The following C4orf51 variants were observed in gnomAD, a reference collection of about 807,000 sequenced individuals.
C4orf51 encodes the protein uncharacterized protein C4orf51.
A neutral mutation model predicts 25.2 loss-of-function variants in C4orf51; 25 were observed. The ratio of observed to expected loss-of-function variants is 0.99; its 90% confidence interval spans 0.72 to 1.39. The LOEUF (loss-of-function observed/expected upper bound fraction) is 1.39, where lower values mean the gene tolerates loss of function less well. Ranked by LOEUF, C4orf51 falls within the 40% of genes most tolerant of loss-of-function variation. The pLI is 0.00. For synonymous variants in C4orf51, 100 were observed against 84.5 expected (o/e 1.18, Z -1.01); for missense variants, 252 against 239.6 (o/e 1.05, Z -0.34).
At chr4:145,712,704 A>C (rs781292927) in intron 2 of C4orf51, among the ~76,000 whole-genome samples, 1 of 152,256 alleles carries the variant, frequency 6.6e-6, no homozygotes, top group African/African-American at 2.4e-5. Context: ...TATCCAGAAG[A>C]CATAGCTAAG....
the C4orf51 span, among the ~76,000 whole-genome samples, chr4:145,778,728 G>T: frequency 1.3e-4 from 20 of 152,080 alleles, no homozygotes; most frequent in Non-Finnish European, 2.5e-4. Context: ...TTTTGTTTTT[G>T]TGTTCCCTGT....
At chr4:145,749,235 G>A (rs757938032) in intron 1 of C4orf51, among the ~76,000 whole-genome samples, 2 of 151,766 alleles carry the variant, frequency 1.3e-5, no homozygotes, top group Non-Finnish European at 2.9e-5. Context: ...GTTTTCATTA[G>A]CATGAAATAT....
intron 2 of C4orf51, among the ~76,000 whole-genome samples, chr4:145,705,680 G>C (rs749648945): frequency 6.6e-6 from 1 of 152,142 alleles, no homozygotes; most frequent in Non-Finnish European, 1.5e-5. Context: ...TGCCTCTGTC[G>C]TGTCCCAGTG....
intron 2 of C4orf51, among the ~76,000 whole-genome samples, chr4:145,723,356 T>A (rs1431242723): frequency 1.3e-5 from 2 of 152,170 alleles, no homozygotes; most frequent in East Asian, 3.8e-4. Flanking sequence ...ATGTTTTGTG[T>A]TCACGAACCT....
the C4orf51 span, among the ~76,000 whole-genome samples, chr4:145,783,386 T>G: frequency 6.6e-6 from 1 of 152,274 alleles, no homozygotes; most frequent in Non-Finnish European, 1.5e-5. Context: ...TCAGGCTACC[T>G]GCCTTTTGAA....
intron 1 of C4orf51, among the ~76,000 whole-genome samples, chr4:145,689,554 C>G (rs1430533006): frequency 1.3e-5 from 2 of 151,990 alleles, no homozygotes; most frequent in African/African-American, 4.8e-5. Context: ...GATAAACATA[C>G]CAAAGGTGCT....
chr4:145,758,194 G>A (rs1406384300), downstream of C4orf51: 2 of 152,132 alleles, frequency 1.3e-5, no homozygotes, highest in Non-Finnish European at 2.9e-5. Flanking sequence ...CAGAAAGATT[G>A]ATGACTCTTT....
chr4:145,686,484 G>A (rs565150595), intron 1 of C4orf51, among the ~76,000 whole-genome samples: 23 of 152,220 alleles, frequency 1.5e-4, no homozygotes, highest in Non-Finnish European at 3.1e-4. Context: ...GCAGAGAGGG[G>A]CTCCCTGTAT....
chr4:145,746,276 C>G (rs1350439088), intron 1 of C4orf51, among the ~76,000 whole-genome samples: 5 of 152,132 alleles, frequency 3.3e-5, no homozygotes, highest in Non-Finnish European at 7.4e-5. Context: ...GGGTATAACT[C>G]AAGAAATCTT....
At chr4:145,745,091 G>T (rs1424221188) in intron 1 of C4orf51, among the ~76,000 whole-genome samples, 3 of 152,030 alleles carry the variant, frequency 2.0e-5, no homozygotes, top group African/African-American at 7.3e-5. Flanking sequence ...TTATTTTAAT[G>T]GGTACATAGT....
intron 1 of C4orf51, among the ~76,000 whole-genome samples, chr4:145,744,930 T>G (rs1733291112): frequency 6.6e-6 from 1 of 152,164 alleles, no homozygotes; most frequent in Admixed American, 6.6e-5. Context: ...CTATGCCCAT[T>G]TATTTAATTG....
chr4:145,752,474 A>G (rs542169718), intron 1 of C4orf51, among the ~76,000 whole-genome samples: 16 of 152,000 alleles, frequency 1.1e-4, no homozygotes, highest in South Asian at 2.1e-4. Flanking sequence ...GCGCCTTATG[A>G]CTCTGCCCAG....
chr4:145,743,446 C>A (rs999628116), intron 1 of C4orf51, among the ~76,000 whole-genome samples: 2 of 152,094 alleles, frequency 1.3e-5, no homozygotes, highest in Non-Finnish European at 2.9e-5. Flanking sequence ...AGATCCTGCT[C>A]CTGAGATAAC....
At chr4:145,740,240 CAAAAAAAAAAAAAAAAA>C (rs60310006) in intron 1 of C4orf51, among the ~76,000 whole-genome samples, 1,308 of 104,812 alleles carry the variant, frequency 0.012, 39 homozygotes, top group African/African-American at 0.044. Context: ...TCCCTTTCTG[CAAAAAAAAAAAAAAAAA>C]AAAAAAAAAA....
At chr4:145,787,785 T>C in the C4orf51 span, among the ~76,000 whole-genome samples, 1 of 152,290 alleles carries the variant, frequency 6.6e-6, no homozygotes, top group Admixed American at 6.5e-5. Context: ...AGGACTCTGA[T>C]ACTTCCAATC....
chr4:145,715,722 T>A (rs1731375545), intron 2 of C4orf51, among the ~76,000 whole-genome samples: 1 of 152,186 alleles, frequency 6.6e-6, no homozygotes, highest in Non-Finnish European at 1.5e-5. Flanking sequence ...CACTCTCCTC[T>A]GCTTTTAGAT....
chr4:145,727,923 A>AT (rs1491543282), intron 3 of C4orf51, among the ~76,000 whole-genome samples: 42 of 100,640 alleles, frequency 4.2e-4, no homozygotes, highest in African/African-American at 4.5e-4. Flanking sequence ...ATATATATAT[A>AT]AAATATATTA....
At chr4:145,731,084 G>A (rs1269696794) in intron 5 of C4orf51, among the ~76,000 whole-genome samples, 1 of 152,210 alleles carries the variant, frequency 6.6e-6, no homozygotes. Context: ...GTCAACCAGG[G>A]ACATCCCTTC....
At chr4:145,785,091 TG>T in the C4orf51 span, among the ~76,000 whole-genome samples, 2 of 152,188 alleles carry the variant, frequency 1.3e-5, no homozygotes, top group African/African-American at 2.4e-5. Context: ...AGCAAATAGG[TG>T]TGTAGGATTA....
Sources: allele counts gnomAD v4.1 joint callset (sites outside exome capture counted in the v4.1 genomes callset), GRCh38; gene constraint gnomAD v4.1.1; transcripts MANE v1.5; gene names NCBI Gene and HGNC (gene_info 2026-07-23, HGNC 2026-07-21).